Variants in CHCHD3 observed in about 807,000 individuals in gnomAD.
CHCHD3 encodes the protein coiled-coil-helix-coiled-coil-helix domain containing 3.
Under a neutral mutation model 38.2 loss-of-function variants are expected in CHCHD3, and 20 were observed. The observed-to-expected ratio is 0.52, with a 90% CI of 0.37 to 0.76. The LOEUF (loss-of-function observed/expected upper bound fraction) is 0.76. Ranked by LOEUF, CHCHD3 falls within the 30% of genes least tolerant of loss-of-function variation. CHCHD3 has a pLI of 0.00. For missense variants in CHCHD3, 245 were observed against 279.2 expected (o/e 0.88, Z 0.87); for synonymous variants, 82 against 100.0 (o/e 0.82, Z 1.07).
chr7:132,973,594 C>T, intron 4 of CHCHD3: 1 of 999,750 alleles, frequency 1.0e-6, no homozygotes, highest in Non-Finnish European at 1.2e-6. Context: ...AGTCCACTGA[C>T]ATTTCTTTCT....
At chr7:132,905,755 G>A (rs575766646) in intron 4 of CHCHD3, among the ~76,000 whole-genome samples, 14 of 152,178 alleles carry the variant, frequency 9.2e-5, no homozygotes, top group African/African-American at 2.9e-4. Context: ...TGTATTAACC[G>A]TCCATTTGGA....
At chr7:132,914,625 C>G (rs969151073) in intron 4 of CHCHD3, among the ~76,000 whole-genome samples, 2 of 152,084 alleles carry the variant, frequency 1.3e-5, no homozygotes, top group African/African-American at 4.8e-5. Context: ...CTTTTCCAGA[C>G]AACAGCCTTC....
chr7:132,840,533 C>T (rs984609188), intron 5 of CHCHD3, among the ~76,000 whole-genome samples: 3 of 152,194 alleles, frequency 2.0e-5, no homozygotes, highest in African/African-American at 7.2e-5. Flanking sequence ...TCTTTAATCT[C>T]CCCCAGCTTC....
intron 2 of CHCHD3, among the ~76,000 whole-genome samples, chr7:133,063,725 T>A (rs901852686): frequency 2.6e-5 from 4 of 152,194 alleles, no homozygotes; most frequent in African/African-American, 9.7e-5. Flanking sequence ...TCTGGGTATA[T>A]CTGAAGGCAC....
At chr7:132,870,913 A>T (rs1196408648) in intron 5 of CHCHD3, among the ~76,000 whole-genome samples, 5 of 152,198 alleles carry the variant, frequency 3.3e-5, no homozygotes. Flanking sequence ...GATGAATGCT[A>T]ACGTTTCAAG....
At chr7:132,978,373 C>G (rs1275148084) in intron 3 of CHCHD3, among the ~76,000 whole-genome samples, 1 of 152,178 alleles carries the variant, frequency 6.6e-6, no homozygotes, top group African/African-American at 2.4e-5. Context: ...ACTCCAGCAG[C>G]TAGACCCTTT....
rs1272067976 is a variant in CHCHD3, at chr7:133,070,141, C to T, written c.169+1G>A. 6.2e-7 allele frequency: 1 copy of T among 1,607,322 alleles called. No homozygotes were observed. The highest frequency in any genetic ancestry group is 1.3e-5 in the African/African-American group (1 of 74,628). Reference sequence around the variant, plus strand: ...ACCCTAAAATTAAAATTCAGCAATACCTGAGGCACCATAAGCACCAGAATA... The same window carrying T: ...ACCCTAAAATTAAAATTCAGCAATATCTGAGGCACCATAAGCACCAGAATA... On this transcript the variant is annotated splice_donor_variant, in intron 2 of 7. Coordinates refer to ENST00000262570, the MANE Select transcript of CHCHD3 (RefSeq NM_017812.4). LOFTEE classifies it high-confidence loss of function.
intron 6 of CHCHD3, among the ~76,000 whole-genome samples, chr7:132,824,752 T>G (rs1323579513): frequency 6.6e-6 from 1 of 152,178 alleles, no homozygotes; most frequent in Non-Finnish European, 1.5e-5. Flanking sequence ...CCCACACTGT[T>G]TCAGCCATTT....
intron 2 of CHCHD3, among the ~76,000 whole-genome samples, chr7:133,068,040 C>T (rs979555641): frequency 3.3e-5 from 5 of 151,880 alleles, no homozygotes; most frequent in African/African-American, 1.2e-4. Context: ...GGCATGAACC[C>T]AGGAGGCGGA....
At chr7:132,910,201 A>G (rs1185280039) in intron 4 of CHCHD3, among the ~76,000 whole-genome samples, 1 of 152,196 alleles carries the variant, frequency 6.6e-6, no homozygotes, top group African/African-American at 2.4e-5. Flanking sequence ...TCCACTGTGT[A>G]TACCTAGGGA....
At chr7:132,958,672 C>G (rs1811240067) in intron 4 of CHCHD3, among the ~76,000 whole-genome samples, 1 of 152,224 alleles carries the variant, frequency 6.6e-6, no homozygotes. Context: ...AGTCCATCGG[C>G]AACAGGCCAT....
At chr7:132,904,986 A>C (rs1435615484) in intron 4 of CHCHD3, among the ~76,000 whole-genome samples, 1 of 152,054 alleles carries the variant, frequency 6.6e-6, no homozygotes, top group Non-Finnish European at 1.5e-5. Context: ...CAAACTATCT[A>C]TCACAAGGAC....
At chr7:132,911,609 T>TTA (rs1809954113) in intron 4 of CHCHD3, among the ~76,000 whole-genome samples, 1 of 152,210 alleles carries the variant, frequency 6.6e-6, no homozygotes, top group Non-Finnish European at 1.5e-5. Flanking sequence ...GCATGTACCG[T>TTA]TATATTTAAA....
intron 1 of CHCHD3, among the ~76,000 whole-genome samples, chr7:133,080,078 G>T (rs1257522943): frequency 6.6e-6 from 1 of 152,184 alleles, no homozygotes; most frequent in East Asian, 1.9e-4. Flanking sequence ...CATGTAAAAG[G>T]AGGATTTGAA....
At chr7:133,006,504 T>TAAAA (rs869031126) in intron 3 of CHCHD3, among the ~76,000 whole-genome samples, 1 of 134,154 alleles carries the variant, frequency 7.5e-6, no homozygotes, top group Non-Finnish European at 1.7e-5. Context: ...AAAAAATAAA[T>TAAAA]AAAATTAATG....
At chr7:132,889,897 A>G (rs1461118096) in intron 4 of CHCHD3, among the ~76,000 whole-genome samples, 1 of 152,248 alleles carries the variant, frequency 6.6e-6, no homozygotes, top group African/African-American at 2.4e-5. Context: ...GCTCTCTAAC[A>G]GAGAATCACT....
At chr7:133,008,940 G>A (rs1166865940) in intron 3 of CHCHD3, among the ~76,000 whole-genome samples, 2 of 149,248 alleles carry the variant, frequency 1.3e-5, no homozygotes. Context: ...CCTATGACAA[G>A]CTGCTGGCAA....
chr7:132,850,852 G>C (rs1050971313), intron 5 of CHCHD3, among the ~76,000 whole-genome samples: 14 of 152,106 alleles, frequency 9.2e-5, no homozygotes, highest in Non-Finnish European at 1.8e-4. Context: ...TTTATTTCTA[G>C]GAAGTGGTTT....
At chr7:132,954,660 G>A (rs995504284) in intron 4 of CHCHD3, among the ~76,000 whole-genome samples, 10 of 152,098 alleles carry the variant, frequency 6.6e-5, no homozygotes, top group Non-Finnish European at 1.3e-4. Flanking sequence ...ACAGCAGCAG[G>A]CCCAATTCCT....
Sources: allele counts gnomAD v4.1 joint callset (sites outside exome capture counted in the v4.1 genomes callset), GRCh38; gene constraint gnomAD v4.1.1; transcripts MANE v1.5; gene names NCBI Gene and HGNC (gene_info 2026-07-23, HGNC 2026-07-21).